Variants in ADAMTS16 observed in about 807,000 individuals in gnomAD.
The protein encoded by ADAMTS16 is A disintegrin and metalloproteinase with thrombospondin motifs 16.
Under a neutral mutation model 145.8 loss-of-function variants are expected in ADAMTS16, and 94 were observed. The observed-to-expected ratio is 0.64, with a 90% CI of 0.55 to 0.77. ADAMTS16 has a LOEUF of 0.77. Ranked by LOEUF, ADAMTS16 falls within the 30% of genes least tolerant of loss-of-function variation. ADAMTS16 has a pLI of 0.00. For synonymous variants in ADAMTS16, 659 were observed against 604.3 expected (o/e 1.09, Z -1.33); for missense variants, 1,585 against 1,591.5 (o/e 1.00, Z 0.07).
intron 15 of ADAMTS16, among the ~76,000 whole-genome samples, 191 bp from the exon 16 acceptor site, chr5:5,239,490 A>C (rs2126385689): frequency 6.6e-6 from 1 of 152,288 alleles, no homozygotes; most frequent in Non-Finnish European, 1.5e-5. Flanking sequence ...AGTGACCATC[A>C]CAGGGGCTCT....
intron 3 of ADAMTS16, among the ~76,000 whole-genome samples, chr5:5,176,814 G>C (rs919042996): frequency 6.6e-6 from 1 of 152,196 alleles, no homozygotes; most frequent in African/African-American, 2.4e-5. Context: ...TGACTCAGGT[G>C]TGCCCAGCTG....
At chr5:5,217,614 C>A (rs1172033192) in intron 10 of ADAMTS16, among the ~76,000 whole-genome samples, 1 of 152,176 alleles carries the variant, frequency 6.6e-6, no homozygotes, top group Non-Finnish European at 1.5e-5. Flanking sequence ...GCCCAGCCAT[C>A]TGAAAATGTT....
At chr5:5,154,656 G>A (rs1164607697) in intron 3 of ADAMTS16, among the ~76,000 whole-genome samples, 1 of 152,108 alleles carries the variant, frequency 6.6e-6, no homozygotes, top group Non-Finnish European at 1.5e-5. Flanking sequence ...AAGTCGGGTG[G>A]AATTCAGACA....
chr5:5,280,463 G>T (rs1738859947), intron 18 of ADAMTS16, among the ~76,000 whole-genome samples: 1 of 152,190 alleles, frequency 6.6e-6, no homozygotes, highest in South Asian at 2.1e-4. Flanking sequence ...AGGTGTGTTT[G>T]TATTCCAGGG....
At chr5:5,288,279 C>T (rs1739175893) in intron 18 of ADAMTS16, among the ~76,000 whole-genome samples, 2 of 152,210 alleles carry the variant, frequency 1.3e-5, no homozygotes, top group Middle Eastern at 3.4e-3. Context: ...TAAACCATCT[C>T]CCGTGGGAAG....
chr5:5,185,205 G>C lies in ADAMTS16; in HGVS notation c.764-847G>C, dbSNP rs529514312. Reference sequence around the variant, plus strand: ...TGGAAGTATGTTAGCAAAGGAAAATGAAACGTGTTGGATGTACTAGTCAAA... The same window carrying C: ...TGGAAGTATGTTAGCAAAGGAAAATCAAACGTGTTGGATGTACTAGTCAAA... On this transcript the variant is annotated intron_variant, in intron 4 of 22. Coordinates refer to ENST00000274181, the MANE Select transcript of ADAMTS16 (RefSeq NM_139056.4). Among the ~76,000 whole-genome samples the C allele has an allele frequency of 2.8e-4, 43 of 152,206 alleles. No homozygotes were observed. The South Asian group carries it at 7.0e-3, about 25-fold the overall frequency.
At chr5:5,247,523 A>T (rs1579339563) in intron 17 of ADAMTS16, among the ~76,000 whole-genome samples, 1 of 152,120 alleles carries the variant, frequency 6.6e-6, no homozygotes, top group Admixed American at 6.6e-5. Context: ...GGAAGCCCAC[A>T]TCTTCCCAAA....
intron 11 of ADAMTS16, among the ~76,000 whole-genome samples, chr5:5,231,578 C>T (rs967594094): frequency 1.3e-5 from 2 of 152,232 alleles, no homozygotes; most frequent in Non-Finnish European, 2.9e-5. Context: ...CCTTCTTCCT[C>T]GCAACAGACA....
At chr5:5,237,825 G>A (rs1046638348) in intron 14 of ADAMTS16, among the ~76,000 whole-genome samples, 3 of 152,246 alleles carry the variant, frequency 2.0e-5, no homozygotes, top group Admixed American at 6.5e-5. Flanking sequence ...GTGGCTAAAG[G>A]AACTTAAGTG....
rs1297474206 is a variant in ADAMTS16, at chr5:5,303,274, C to T, written c.2796C>T (p.Ser932=). The change falls in exon 19 of 23, where the codon TCC becomes TCT. Residue 932 remains serine, a synonymous_variant. Coordinates refer to ENST00000274181, the MANE Select transcript of ADAMTS16 (RefSeq NM_139056.4). ...CKVSACPPSW[S]VGNWSACSRT... is the part of the protein sequence containing the mutation. ...TCTCTTTGTCCCTGCCCAGCTGGTC[C>T]GTGGGGAACTGGAGTGCCTGCAGTC... The T allele has an allele frequency of 7.7e-6, 12 of 1,566,490 alleles. No homozygotes were observed. The highest frequency in any genetic ancestry group is 2.3e-5 in the East Asian group (1 of 44,120).
intron 3 of ADAMTS16, among the ~76,000 whole-genome samples, chr5:5,177,722 A>G (rs1161935481): frequency 6.6e-6 from 1 of 152,244 alleles, no homozygotes; most frequent in African/African-American, 2.4e-5. Flanking sequence ...ACCTAGAATG[A>G]ATAGAATATT....
chr5:5,210,808 C>T (rs1054040901), intron 10 of ADAMTS16, among the ~76,000 whole-genome samples: 1 of 152,158 alleles, frequency 6.6e-6, no homozygotes, highest in African/African-American at 2.4e-5. Flanking sequence ...TCAAATCTTT[C>T]CCTACGTCTA....
chr5:5,186,973 T>C (rs1306997883), intron 5 of ADAMTS16, among the ~76,000 whole-genome samples: 1 of 152,234 alleles, frequency 6.6e-6, no homozygotes, highest in Non-Finnish European at 1.5e-5. Flanking sequence ...ATGTGATTAC[T>C]ATGGCTAGTG....
At chr5:5,217,143 G>A (rs535648583) in intron 10 of ADAMTS16, among the ~76,000 whole-genome samples, 214 of 152,040 alleles carry the variant, frequency 1.4e-3, no homozygotes, top group Non-Finnish European at 1.8e-3. Flanking sequence ...AAACTGGCTA[G>A]CCATATGTAG....
chr5:5,202,933 C>T (rs979710), intron 9 of ADAMTS16, among the ~76,000 whole-genome samples: 133,657 of 152,178 alleles, frequency 0.88, 58,691 homozygotes, highest in Admixed American at 0.91. Flanking sequence ...AAATAGAATG[C>T]CATCTTGAAG....
chr5:5,221,580 A>G (rs376220665), intron 10 of ADAMTS16, among the ~76,000 whole-genome samples: 10 of 152,236 alleles, frequency 6.6e-5, no homozygotes, highest in African/African-American at 1.2e-4. Context: ...TATCTGAATT[A>G]AAACACTGAA....
chr5:5,245,656 CT>C (rs766983702), intron 17 of ADAMTS16, among the ~76,000 whole-genome samples: 1 of 152,132 alleles, frequency 6.6e-6, no homozygotes, highest in Non-Finnish European at 1.5e-5. Context: ...TGGAAAATTT[CT>C]CCCACCTCTT....
chr5:5,218,881 G>A (rs902256341), intron 10 of ADAMTS16, among the ~76,000 whole-genome samples: 5 of 152,186 alleles, frequency 3.3e-5, no homozygotes, highest in African/African-American at 9.6e-5. Flanking sequence ...TCTTTCCACC[G>A]TCACTGGTCT....
At position 5,242,131 on chromosome 5, in the gene ADAMTS16, GC is replaced by G; in HGVS notation, c.2605del (p.Gln869SerfsTer22). 6.2e-7 allele frequency: 1 copy of G among 1,614,202 alleles called. No individual in the cohort carries two copies. The highest frequency in any genetic ancestry group is 8.5e-7 in the Non-Finnish European group (1 of 1,180,044). On this transcript the variant is annotated frameshift_variant, in exon 17 of 23. Coordinates refer to ENST00000274181, the MANE Select transcript of ADAMTS16 (RefSeq NM_139056.4). LOFTEE classifies it high-confidence loss of function. ...CTTGGGGACCGAGAAGCAGCCCCCTGCCCAGCCCAGCTACACTTGGGCCATC... is the reference window on the plus strand; with the variant it reads ...CTTGGGGACCGAGAAGCAGCCCCCTGCCAGCCCAGCTACACTTGGGCCATC... ...PRLGTEKQPP[A>X]QPSYTWAIVR...
Sources: gnomAD v4.1 joint callset for allele counts (sites outside exome capture counted in the v4.1 genomes callset) on GRCh38, gnomAD v4.1.1 for gene constraint, MANE v1.5 for transcripts, NCBI Gene and HGNC (gene_info 2026-07-23, HGNC 2026-07-21) for gene names.